The following TMEM117 variants were observed in gnomAD, a reference collection of about 807,000 sequenced individuals.
TMEM117 encodes transmembrane protein 117.
A neutral mutation model predicts 52.4 loss-of-function variants in TMEM117; 27 were observed. The observed-to-expected ratio is 0.51, with a 90% CI of 0.38 to 0.71. The LOEUF is 0.71. Ranked by LOEUF, TMEM117 falls within the 30% of genes least tolerant of loss-of-function variation. TMEM117 has a pLI of 0.00. For synonymous variants in TMEM117, 215 were observed against 206.3 expected (o/e 1.04, Z -0.36); for missense variants, 556 against 630.5 (o/e 0.88, Z 1.26).
rs185916115 is a variant in TMEM117, at chr12:44,077,567, T to G, written c.411-65958T>G. ...TCAGCCCTGAGCTTGGTTAATTTAT[T>G]GCACCTTTCTGTTGATTGGAAGGGC... is the stretch of plus-strand genomic sequence containing the variant. On this transcript the variant is annotated intron_variant, in intron 3 of 7. Coordinates refer to ENST00000266534, the MANE Select transcript of TMEM117 (RefSeq NM_032256.3). Among the ~76,000 whole-genome samples, 37 of 152,330 alleles carry G rather than the reference T, an allele frequency of 2.4e-4. No individual in the cohort carries two copies. In the East Asian group the frequency reaches 4.8e-3, roughly 20 times the overall value.
chr12:44,072,244 G>T (rs1157844182), intron 3 of TMEM117, among the ~76,000 whole-genome samples: 1 of 151,808 alleles, frequency 6.6e-6, no homozygotes, highest in Non-Finnish European at 1.5e-5. Context: ...GCAACATACA[G>T]CATGCTTTAT....
chr12:44,350,368 C>G (rs1951545343), intron 6 of TMEM117, among the ~76,000 whole-genome samples: 1 of 151,928 alleles, frequency 6.6e-6, no homozygotes, highest in Non-Finnish European at 1.5e-5. Context: ...TCTGTGCCCC[C>G]AAGCATTTAT....
Position 44,075,913 on chromosome 12 carries a change from A to G in TMEM117, c.411-67612A>G, listed in dbSNP as rs977469071. Among the ~76,000 whole-genome samples the G allele has an allele frequency of 5.9e-5, 9 of 152,238 alleles. 1 individual carries two copies. The South Asian group carries it at 6.2e-4, about 11-fold the overall frequency. ...AGTAAAACTGGGCTTTGGTACCACA[A>G]TTTTGGGATAGCATCAGTGCCATAA... On this transcript the variant is annotated intron_variant, in intron 3 of 7. Transcript: ENST00000266534.
chr12:44,057,279 G>C (rs561951256), intron 3 of TMEM117, among the ~76,000 whole-genome samples: 1 of 152,228 alleles, frequency 6.6e-6, no homozygotes, highest in South Asian at 2.1e-4. Flanking sequence ...TGTCAGTCAT[G>C]GTCCCGTGAA....
chr12:44,315,243 A>G (rs1196092970), intron 6 of TMEM117, among the ~76,000 whole-genome samples: 4 of 152,082 alleles, frequency 2.6e-5, no homozygotes, highest in African/African-American at 9.7e-5. Flanking sequence ...TGGGGTCTGA[A>G]TTTCATTCAA....
chr12:44,351,706 G>A (rs755539677), intron 6 of TMEM117, among the ~76,000 whole-genome samples: 5 of 151,828 alleles, frequency 3.3e-5, no homozygotes, highest in Non-Finnish European at 5.9e-5. Context: ...TCCGATTTGA[G>A]TTGCACAGAG....
At chr12:44,312,035 C>G (rs1351774670) in intron 6 of TMEM117, among the ~76,000 whole-genome samples, 1 of 151,108 alleles carries the variant, frequency 6.6e-6, no homozygotes, top group Non-Finnish European at 1.5e-5. Flanking sequence ...GTCATGGAGG[C>G]CAAGGTACAT....
intron 4 of TMEM117, among the ~76,000 whole-genome samples, chr12:44,148,194 T>A (rs138176490): frequency 0.012 from 1,753 of 152,364 alleles, 22 homozygotes; most frequent in South Asian, 0.052. Context: ...GTTTGCCAGT[T>A]GGCTTTACTT....
chr12:44,303,269 G>A (rs897251274), intron 6 of TMEM117, among the ~76,000 whole-genome samples: 4 of 151,538 alleles, frequency 2.6e-5, no homozygotes, highest in African/African-American at 9.7e-5. Flanking sequence ...GGCTGGTCCC[G>A]AACTCCCAAC....
intron 3 of TMEM117, among the ~76,000 whole-genome samples, chr12:44,059,952 G>C (rs566698488): frequency 3.5e-4 from 53 of 152,296 alleles, no homozygotes; most frequent in Admixed American, 3.5e-3. Flanking sequence ...CTTATGAATA[G>C]CTGTATGATT....
chr12:44,355,575 A>T (rs1159163591), intron 6 of TMEM117, among the ~76,000 whole-genome samples: 1 of 152,034 alleles, frequency 6.6e-6, no homozygotes, highest in Non-Finnish European at 1.5e-5. Context: ...TGACATAGAG[A>T]AGCTTGATAT....
chr12:44,251,974 A>C (rs773636260), intron 5 of TMEM117, among the ~76,000 whole-genome samples: 1 of 152,186 alleles, frequency 6.6e-6, no homozygotes, highest in African/African-American at 2.4e-5. Context: ...AGGCGAAAAA[A>C]GAAAAAAATT....
At chr12:43,973,941 A>G (rs1592406736) in intron 3 of TMEM117, among the ~76,000 whole-genome samples, 2 of 152,192 alleles carry the variant, frequency 1.3e-5, no homozygotes. Context: ...AGAAGCAAAA[A>G]TACTATTTTG....
chr12:43,837,139 A>G (rs1943045325), intron 1 of TMEM117, among the ~76,000 whole-genome samples: 1 of 151,934 alleles, frequency 6.6e-6, no homozygotes, highest in Non-Finnish European at 1.5e-5. Context: ...GGATTTTGAC[A>G]TTTTGTCTCA....
intron 3 of TMEM117, among the ~76,000 whole-genome samples, chr12:44,135,644 G>A (rs1342828343): frequency 3.3e-5 from 5 of 151,990 alleles, no homozygotes; most frequent in Admixed American, 6.6e-5. Context: ...AGAAGAAAGG[G>A]AAGAAGAAGG....
chr12:43,957,613 TAAAG>T lies in TMEM117; in HGVS notation c.410+13273_410+13276del, dbSNP rs571990102. Among the ~76,000 whole-genome samples the T allele has an allele frequency of 1.9e-3, 287 of 152,326 alleles. 3 individuals are homozygous for T. The highest frequency in any genetic ancestry group is 6.5e-3 in the African/African-American group (272 of 41,580). ...TTAGAAATTATTTATTTGGTATTAA[TAAAG>T]AGAGGCATGCTCCCAAGTTCAGGTC... is the stretch of plus-strand genomic sequence containing the variant. On this transcript the variant is annotated intron_variant, in intron 3 of 7. Coordinates refer to ENST00000266534, the MANE Select transcript of TMEM117 (RefSeq NM_032256.3).
At chr12:43,833,149 A>G (rs1165131253), upstream of TMEM117, among the ~76,000 whole-genome samples, 1 of 152,252 alleles carries the variant, frequency 6.6e-6, no homozygotes, top group African/African-American at 2.4e-5. Flanking sequence ...AGGTTTCTCA[A>G]CAATAAATAG....
chr12:43,918,324 A>G (rs992978087), intron 2 of TMEM117, among the ~76,000 whole-genome samples: 1 of 152,200 alleles, frequency 6.6e-6, no homozygotes, highest in Admixed American at 6.5e-5. Context: ...ATCAGCAATC[A>G]TAATTTTTTG....
intron 3 of TMEM117, among the ~76,000 whole-genome samples, chr12:43,987,199 C>T (rs1945863127): frequency 1.3e-5 from 2 of 152,146 alleles, no homozygotes; most frequent in Admixed American, 1.3e-4. Flanking sequence ...GGAACACACA[C>T]CAAGAAGGTG....
Sources: allele counts gnomAD v4.1 joint callset (sites outside exome capture counted in the v4.1 genomes callset), GRCh38; gene constraint gnomAD v4.1.1; transcripts MANE v1.5; gene names NCBI Gene and HGNC (gene_info 2026-07-23, HGNC 2026-07-21).